NFASC: variants seen among roughly 807,000 people sequenced by gnomAD.
The protein encoded by NFASC is neurofascin, also known as neurofascin homolog.
Under a neutral mutation model 147.5 loss-of-function variants are expected in NFASC, and 43 were observed. The ratio of observed to expected loss-of-function variants is 0.29; its 90% CI spans 0.23 to 0.38. NFASC has a LOEUF of 0.38. NFASC is among the 10% of genes least tolerant of loss of function. The pLI, the probability that NFASC is intolerant of heterozygous loss-of-function variation, is 1.00. For missense variants in NFASC, 1,320 were observed against 1,689.0 expected (o/e 0.78, Z 3.83); for synonymous variants, 622 against 665.5 (o/e 0.93, Z 1.01).
chr1:204,957,356 T>C (rs567508378), intron 7 of NFASC, among the ~76,000 whole-genome samples: 4 of 152,306 alleles, frequency 2.6e-5, no homozygotes. Context: ...AGATCTTTTG[T>C]GGCGTGAACA....
chr1:205,003,851 T>C (rs569171681), intron 27 of NFASC, among the ~76,000 whole-genome samples: 1 of 152,340 alleles, frequency 6.6e-6, no homozygotes, highest in African/African-American at 2.4e-5. Context: ...CCTTCTATCC[T>C]AGTCCTTCCT....
At chr1:204,848,565 A>G (rs760870336) in intron 1 of NFASC, among the ~76,000 whole-genome samples, 4 of 152,240 alleles carry the variant, frequency 2.6e-5, no homozygotes, top group Non-Finnish European at 4.4e-5. Flanking sequence ...AAGTACACAG[A>G]TTTATACTTT....
At chr1:204,924,516 G>A (rs1455939204) in intron 2 of NFASC, among the ~76,000 whole-genome samples, 1 of 152,230 alleles carries the variant, frequency 6.6e-6, no homozygotes, top group Admixed American at 6.5e-5. Flanking sequence ...GTGGATGTCA[G>A]AGCTGGTGGG....
chr1:204,855,887 T>G (rs962920316), intron 1 of NFASC, among the ~76,000 whole-genome samples: 6 of 152,170 alleles, frequency 3.9e-5, no homozygotes, highest in African/African-American at 1.4e-4. Context: ...CAGGAAAAGC[T>G]TTCAGGGAGG....
At chr1:204,962,618 T>C (rs2094733421) in intron 8 of NFASC, among the ~76,000 whole-genome samples, 1 of 152,204 alleles carries the variant, frequency 6.6e-6, no homozygotes. Context: ...TTGCCTGCTT[T>C]GTAATCTCAC....
At position 204,957,774 on chromosome 1, in the gene NFASC, C is replaced by T; in HGVS notation, c.654C>T (p.His218=). 1 of 1,614,180 alleles carries T rather than the reference C, an allele frequency of 6.2e-7. No homozygotes were observed. Residue 218 remains histidine (H), a synonymous_variant, in exon 8 of 30, where the codon CAC becomes CAT. Transcript: ENST00000339876. Reference sequence around the variant, plus strand: ...ACTACAGTTGTAACGCCCGCTTCCACTTCACCCACACCATCCAGCAGAAGA... The same window carrying T: ...ACTACAGTTGTAACGCCCGCTTCCATTTCACCCACACCATCCAGCAGAAGA... ...QTDYSCNARF[H]FTHTIQQKNP...
Position 204,976,714 on chromosome 1 carries a change from G to A in NFASC, c.1750G>A (p.Glu584Lys). 1 of 1,614,090 alleles carries A rather than the reference G, an allele frequency of 6.2e-7. No homozygotes were observed. The highest frequency in any genetic ancestry group is 8.5e-7 in the Non-Finnish European group (1 of 1,179,966). The stretch of plus-strand genomic sequence containing the variant: ...CTCCCTGACCATCTTTGGGGTGGCA[G>A]AGCGGGACCAGGGCAGTTACACGTG... ...DDSLTIFGVA[E>K]RDQGSYTCVA... Residue 584 changes from glutamate (E) to lysine (K), a missense_variant, in exon 16 of 30, where the codon GAG becomes AAG. Coordinates refer to ENST00000339876, the MANE Select transcript of NFASC (RefSeq NM_001005388.3).
chr1:204,874,587 AC>A (rs2078381169), intron 1 of NFASC, among the ~76,000 whole-genome samples: 1 of 150,262 alleles, frequency 6.7e-6, no homozygotes, highest in Non-Finnish European at 1.5e-5. Context: ...ACTTCCCTCC[AC>A]CCTCGGGCCC....
chr1:204,938,456 A>G (rs2093066103), intron 2 of NFASC, among the ~76,000 whole-genome samples: 1 of 152,160 alleles, frequency 6.6e-6, no homozygotes, highest in South Asian at 2.1e-4. Context: ...AGCCTTCTAG[A>G]ATTGGTGCTA....
intron 1 of NFASC, among the ~76,000 whole-genome samples, chr1:204,895,092 A>G (rs1383665359): frequency 1.3e-5 from 2 of 152,172 alleles, no homozygotes; most frequent in African/African-American, 2.4e-5. Flanking sequence ...CCTCTAGTCT[A>G]ACATTCCAAA....
intron 1 of NFASC, among the ~76,000 whole-genome samples, chr1:204,897,442 C>T (rs2083594731): frequency 6.6e-6 from 1 of 152,152 alleles, no homozygotes; most frequent in Admixed American, 6.5e-5. Flanking sequence ...GATTGGAGAG[C>T]AATCTTGTTC....
chr1:204,986,323 C>T lies in NFASC; in HGVS notation c.2471-1095C>T, dbSNP rs2095614398. Among the ~76,000 whole-genome samples, 1 of 152,226 alleles carries T rather than the reference C, an allele frequency of 6.6e-6. No individual in the cohort carries two copies. The highest frequency in any genetic ancestry group is 1.5e-5 in the Non-Finnish European group (1 of 68,038). On this transcript the variant is annotated intron_variant, in intron 21 of 29. Coordinates refer to ENST00000339876, the MANE Select transcript of NFASC (RefSeq NM_001005388.3). The surrounding 1 kb of genome is among the most constrained non-coding windows in gnomAD (Gnocchi z 4.2). ...CCTGCCCTGCGAGGAGGTTGTATCT[C>T]AAGAGAAGACCTGTGAGGTCTGCTG...
At position 205,002,895 on chromosome 1, in the gene NFASC, T is replaced by C. The variant is rs142283552; in HGVS notation, c.3289+147T>C. 6.4e-4 allele frequency: 377 copies of C among 584,546 alleles called. 2 individuals are homozygous for C. The African/African-American group carries it at 6.7e-3, about 10-fold the overall frequency. The allele number at this position is 584,546 out of a possible 1,614,324, so 36.2% of individuals were successfully genotyped here. A position where few individuals can be genotyped will look rare whatever the true frequency, so the allele number is the denominator to read the frequency against. On this transcript the variant is annotated intron_variant, in intron 27 of 29. Coordinates refer to ENST00000339876, the MANE Select transcript of NFASC (RefSeq NM_001005388.3). ...GCATGGCGTGTCTCAGCTCTTATTA[T>C]GTATCAGCTGAAGGCTCCCAGGAAG...
intron 24 of NFASC, 88 bp from the exon 25 acceptor site, chr1:204,997,082 G>T: frequency 6.5e-7 from 1 of 1,545,344 alleles, no homozygotes; most frequent in Non-Finnish European, 8.7e-7. Context: ...CTCCTCACCG[G>T]GCTGCCTGCC....
chr1:204,992,604 T>C (rs2095759471), intron 24 of NFASC, among the ~76,000 whole-genome samples: 2 of 152,078 alleles, frequency 1.3e-5, no homozygotes, highest in African/African-American at 4.8e-5. Flanking sequence ...GGGAACAGGG[T>C]GAGAGCCATC....
chr1:204,939,471 C>T (rs538824785), intron 2 of NFASC, among the ~76,000 whole-genome samples: 1 of 152,354 alleles, frequency 6.6e-6, no homozygotes, highest in South Asian at 2.1e-4. Flanking sequence ...TCTACACTCT[C>T]TCCCAGCATG....
intron 1 of NFASC, among the ~76,000 whole-genome samples, chr1:204,832,133 T>C (rs931015912): frequency 2.2e-5 from 3 of 136,800 alleles, no homozygotes; most frequent in African/African-American, 8.9e-5. Context: ...AGAGGGGTAA[T>C]GTTCTGTGTG....
chr1:204,866,235 C>G (rs2077096732), intron 1 of NFASC, among the ~76,000 whole-genome samples: 1 of 152,152 alleles, frequency 6.6e-6, no homozygotes, highest in South Asian at 2.1e-4. Flanking sequence ...CCTCACACTG[C>G]CAAACCTCAG....
rs577970838 is a variant in NFASC at position 204,890,738 on chromosome 1, T to G, written c.-199-29894T>G. ...GCGCCCACCACCACACCTGGCTAATTTTTGTATTTTTAGTAGAGACAGGGT... is the reference window on the plus strand; with the variant it reads ...GCGCCCACCACCACACCTGGCTAATGTTTGTATTTTTAGTAGAGACAGGGT... On this transcript the variant is annotated intron_variant, in intron 1 of 29. Coordinates refer to ENST00000339876, the MANE Select transcript of NFASC (RefSeq NM_001005388.3). Among the ~76,000 whole-genome samples, 5 of 152,116 alleles carry G rather than the reference T, an allele frequency of 3.3e-5. No individual in the cohort carries two copies. In the South Asian group the frequency reaches 1.0e-3, roughly 32 times the overall value.
Sources: gnomAD v4.1 joint callset for allele counts (sites outside exome capture counted in the v4.1 genomes callset) on GRCh38, gnomAD v4.1.1 for gene constraint, Gnocchi (gnomAD v3.1) non-coding constraint, MANE v1.5 for transcripts, NCBI Gene and HGNC (gene_info 2026-07-23, HGNC 2026-07-21) for gene names.